The following NRXN1 variants were observed in gnomAD, a reference collection of about 807,000 sequenced individuals.
The protein encoded by NRXN1 is neurexin-1.
NRXN1 carries 39 observed loss-of-function variants against 150.9 expected under a neutral mutation model. The observed-to-expected ratio is 0.26, with a 90% CI of 0.20 to 0.34. The LOEUF (loss-of-function observed/expected upper bound fraction) is 0.34, where lower values mean the gene tolerates loss of function less well. Among genes scored for constraint, NRXN1 ranks in the 10% least tolerant of loss-of-function variants. The pLI is 1.00. For missense variants in NRXN1, 1,815 were observed against 1,949.9 expected (o/e 0.93, Z 1.30); for synonymous variants, 924 against 757.0 (o/e 1.22, Z -3.62).
chr2:50,069,846 G>GTTTTTTTT (rs1467398706), intron 19 of NRXN1, among the ~76,000 whole-genome samples: 35 of 66,282 alleles, frequency 5.3e-4, no homozygotes, highest in African/African-American at 2.9e-3. Flanking sequence ...AGATTTTGGG[G>GTTTTTTTT]GTTTTTTTTT....
intron 21 of NRXN1, among the ~76,000 whole-genome samples, chr2:50,047,637 G>A (rs1692032045): frequency 6.6e-6 from 1 of 151,846 alleles, no homozygotes. Context: ...AATACTTTAC[G>A]CACATCCATT....
intron 21 of NRXN1, among the ~76,000 whole-genome samples, chr2:50,033,151 G>A (rs1689439516): frequency 6.6e-6 from 1 of 151,698 alleles, no homozygotes; most frequent in Non-Finnish European, 1.5e-5. Flanking sequence ...TTTCTACACT[G>A]TCTAAAACAG....
chr2:50,443,035 T>C (rs2086098321), intron 17 of NRXN1, among the ~76,000 whole-genome samples: 1 of 152,094 alleles, frequency 6.6e-6, no homozygotes, highest in African/African-American at 2.4e-5. Flanking sequence ...ATAGTGAACG[T>C]GGGTGACTAA....
intron 5 of NRXN1, among the ~76,000 whole-genome samples, chr2:50,688,922 C>G (rs77618023): frequency 3.3e-5 from 5 of 152,134 alleles, no homozygotes; most frequent in African/African-American, 1.2e-4. Context: ...TTGCATCACA[C>G]TAAGCTATGC....
intron 17 of NRXN1, among the ~76,000 whole-genome samples, chr2:50,435,583 T>C (rs2085351149): frequency 6.6e-6 from 1 of 152,186 alleles, no homozygotes; most frequent in Non-Finnish European, 1.5e-5. Context: ...TTTGCTATTG[T>C]GAATAGTGCT....
intron 17 of NRXN1, among the ~76,000 whole-genome samples, chr2:50,365,477 G>A (rs2079521058): frequency 6.6e-6 from 1 of 152,016 alleles, no homozygotes; most frequent in East Asian, 1.9e-4. Context: ...TCACTTATAT[G>A]ACGTATGTTT....
intron 17 of NRXN1, among the ~76,000 whole-genome samples, chr2:50,343,432 T>C (rs548385593): frequency 1.3e-5 from 2 of 152,168 alleles, no homozygotes; most frequent in South Asian, 2.1e-4. Context: ...TTTTGTCATT[T>C]ACAGTCACAC....
At chr2:50,701,759 C>A (rs1013379956) in intron 5 of NRXN1, among the ~76,000 whole-genome samples, 1 of 152,106 alleles carries the variant, frequency 6.6e-6, no homozygotes, top group South Asian at 2.1e-4. Context: ...GGATGGGAGA[C>A]ATTTTCTGCT....
chr2:50,391,931 G>T (rs943818374), intron 17 of NRXN1, among the ~76,000 whole-genome samples: 1 of 152,114 alleles, frequency 6.6e-6, no homozygotes, highest in Admixed American at 6.6e-5. Context: ...GACAATAAAA[G>T]AAATCTTATG....
At chr2:50,670,063 A>C (rs1333999681) in intron 5 of NRXN1, among the ~76,000 whole-genome samples, 1 of 151,800 alleles carries the variant, frequency 6.6e-6, no homozygotes, top group Non-Finnish European at 1.5e-5. Flanking sequence ...CCATATTGTC[A>C]CACTGTATTC....
At chr2:50,035,217 C>A (rs1253105659) in intron 21 of NRXN1, among the ~76,000 whole-genome samples, 1 of 152,038 alleles carries the variant, frequency 6.6e-6, no homozygotes, top group African/African-American at 2.4e-5. Flanking sequence ...GTGAGATTTT[C>A]TCTGGTATTT....
chr2:51,001,455 CT>C (rs1700069470), intron 2 of NRXN1, among the ~76,000 whole-genome samples: 1 of 150,450 alleles, frequency 6.6e-6, no homozygotes, highest in Non-Finnish European at 1.5e-5. Context: ...CTATACTGTA[CT>C]TAAAAAAAAG....
intron 17 of NRXN1, among the ~76,000 whole-genome samples, chr2:50,247,750 T>C (rs2066643973): frequency 1.3e-5 from 2 of 152,108 alleles, no homozygotes; most frequent in South Asian, 4.1e-4. Context: ...AGATCCTGGC[T>C]TTGATAGTGG....
At chr2:51,002,109 T>C (rs1029744469) in intron 2 of NRXN1, among the ~76,000 whole-genome samples, 1 of 152,038 alleles carries the variant, frequency 6.6e-6, no homozygotes, top group African/African-American at 2.4e-5. Context: ...CAGGTTTAAC[T>C]ATTTTTTCAG....
chr2:50,770,233 C>G (rs1462985153), intron 5 of NRXN1, among the ~76,000 whole-genome samples: 1 of 151,990 alleles, frequency 6.6e-6, no homozygotes, highest in East Asian at 1.9e-4. Flanking sequence ...AAAACAGAGT[C>G]TATTTTACAC....
intron 10 of NRXN1, among the ~76,000 whole-genome samples, chr2:50,533,001 C>T (rs1473681102): frequency 6.6e-6 from 1 of 152,126 alleles, no homozygotes; most frequent in Non-Finnish European, 1.5e-5. Context: ...TGTACTGATA[C>T]AACTGTGTTC....
rs562926466 is a variant in NRXN1, at chr2:50,514,533, C to T, written c.2375-7916G>A. 1.6e-3 allele frequency among the ~76,000 whole-genome samples: 239 copies of T among 152,314 alleles called. 1 individual carries two copies. The highest frequency in any genetic ancestry group is 3.1e-3 in the Non-Finnish European group (213 of 68,040). On this transcript the variant is annotated intron_variant, in intron 12 of 22. Transcript: ENST00000401669. ...AGTTACAGTCAAAGGAACTTACATT[C>T]TAATAGGTCAGAAGTCAAAACACTT... is the stretch of plus-strand genomic sequence containing the variant.
Position 51,027,761 on chromosome 2 carries a change from C to T in NRXN1, c.513G>A (p.Leu171=), listed in dbSNP as rs767143936. The stretch of plus-strand genomic sequence containing the variant: ...AGGGCTCCCGCTCCCTCACCGAGGC[C>T]AGGGTGAGCTTGAGCGCCGCGGCGC... ...ELRAAALKLT[L]ASVREREPFK... Residue 171 remains leucine, a synonymous_variant, in exon 2 of 23, where the codon CTG becomes CTA. Transcript: ENST00000401669. The T allele has an allele frequency of 1.2e-6, 2 of 1,612,454 alleles. No individual in the cohort carries two copies. Among genetic ancestry groups the T allele is most frequent in the Non-Finnish European group, 1.7e-6 (2 of 1,179,310 alleles).
At chr2:50,439,536 G>T (rs1178361332) in intron 17 of NRXN1, among the ~76,000 whole-genome samples, 2 of 152,182 alleles carry the variant, frequency 1.3e-5, no homozygotes, top group East Asian at 3.9e-4. Context: ...GCCGGGCGCG[G>T]TGGCTCACGC....
Sources: gnomAD v4.1 joint callset for allele counts (sites outside exome capture counted in the v4.1 genomes callset) on GRCh38, gnomAD v4.1.1 for gene constraint, MANE v1.5 for transcripts, NCBI Gene and HGNC (gene_info 2026-07-23, HGNC 2026-07-21) for gene names.